The following ERGIC1 variants were observed in gnomAD, a reference collection of about 807,000 sequenced individuals.
ERGIC1 encodes the protein endoplasmic reticulum-Golgi intermediate compartment protein 1.
A neutral mutation model predicts 38.3 loss-of-function variants in ERGIC1; 19 were observed. That is an observed-to-expected ratio of 0.50 (90% CI 0.35 to 0.73). The LOEUF (loss-of-function observed/expected upper bound fraction) is 0.73, where lower values mean the gene tolerates loss of function less well. ERGIC1 is among the 30% of genes least tolerant of loss of function. ERGIC1 has a pLI of 0.01. For missense variants in ERGIC1, 294 were observed against 389.2 expected, an observed-to-expected ratio of 0.76 and a Z score of 2.06; for synonymous variants, 124 against 157.6, an observed-to-expected ratio of 0.79 and a Z score of 1.60.
intron 1 of ERGIC1, among the ~76,000 whole-genome samples, chr5:172,880,097 C>T (rs891719798): frequency 1.3e-5 from 2 of 151,748 alleles, no homozygotes; most frequent in African/African-American, 4.8e-5. Context: ...ACTGCAGAGC[C>T]GTGATCTTGG....
intron 9 of ERGIC1, among the ~76,000 whole-genome samples, chr5:172,946,877 AT>A (rs10555416): frequency 0.6 from 89,447 of 148,656 alleles, 27,104 homozygotes; most frequent in East Asian, 0.83. Flanking sequence ...TTCTCTCAGC[AT>A]TTTTTTTTTT....
chr5:172,882,736 C>T (rs191912456), intron 1 of ERGIC1, among the ~76,000 whole-genome samples: 59 of 152,272 alleles, frequency 3.9e-4, no homozygotes, highest in Non-Finnish European at 7.1e-4. Flanking sequence ...CCAAATCTCA[C>T]CTCCCTCTTA....
At chr5:172,949,554 C>A (rs1764188962) in intron 9 of ERGIC1, among the ~76,000 whole-genome samples, 1 of 151,776 alleles carries the variant, frequency 6.6e-6, no homozygotes, top group Non-Finnish European at 1.5e-5. Context: ...TAACAGGTGA[C>A]ATTCATTATC....
At chr5:172,896,114 G>A (rs918371668) in intron 2 of ERGIC1, among the ~76,000 whole-genome samples, 1 of 151,940 alleles carries the variant, frequency 6.6e-6, no homozygotes, top group Non-Finnish European at 1.5e-5. Flanking sequence ...AGGCTGAGGC[G>A]GGCGGTTCAC....
In ERGIC1 at chr5:172,837,230, T is replaced by C. The variant is rs143239949; in HGVS notation, c.20+2797T>C. Among the ~76,000 whole-genome samples, 164 of 152,306 alleles carry C rather than the reference T, an allele frequency of 1.1e-3. No homozygotes were observed. Among genetic ancestry groups the C allele is most frequent in the African/African-American group, 3.8e-3 (159 of 41,556 alleles). On this transcript the variant is annotated intron_variant, in intron 1 of 9. Transcript: ENST00000393784. This position sits in a 1 kb window ranked among gnomAD's most constrained non-coding sequence, Gnocchi z 4.3. ...TTTTCTTACTGCCTGTAGAGCCTGG[T>C]GCAACTGAGTTCTGTGTTTTCCTGT...
chr5:172,843,498 A>C (rs928578896), intron 1 of ERGIC1, among the ~76,000 whole-genome samples: 49 of 152,340 alleles, frequency 3.2e-4, no homozygotes, highest in Middle Eastern at 6.8e-3. Context: ...AACATATAGA[A>C]TTACCTAAAG....
chr5:172,834,396 AC>A lies in ERGIC1; in HGVS notation c.-13del, dbSNP rs1418176744. The A allele has an allele frequency of 3.0e-6, 4 of 1,319,934 alleles. No homozygotes were observed. The highest frequency in any genetic ancestry group is 2.9e-6 in the Non-Finnish European group (3 of 1,031,702). The allele number at this position is 1,319,934 out of a possible 1,614,324, so 81.8% of individuals were successfully genotyped here. The stretch of plus-strand genomic sequence containing the variant: ...GGCCCGCCTGGCCTGCAGCGCTCCC[AC>A]CCCCGGCGGCGGCACGATGCCCTTT... On this transcript the variant is annotated 5_prime_UTR_variant, in exon 1 of 10. Transcript: ENST00000393784. The surrounding 1 kb of genome is among the most constrained non-coding windows in gnomAD (Gnocchi z 4.1).
At chr5:172,913,475 G>T (rs889634098) in intron 4 of ERGIC1, among the ~76,000 whole-genome samples, 2 of 152,220 alleles carry the variant, frequency 1.3e-5, no homozygotes, top group Non-Finnish European at 2.9e-5. Flanking sequence ...GACCCGTGAG[G>T]GTCATTTCGA....
intron 9 of ERGIC1, among the ~76,000 whole-genome samples, chr5:172,944,110 G>T (rs560760525): frequency 1.3e-5 from 2 of 152,330 alleles, no homozygotes; most frequent in East Asian, 3.9e-4. Context: ...TGGGGCCCAG[G>T]TATTGAATTG....
intron 1 of ERGIC1, among the ~76,000 whole-genome samples, chr5:172,838,182 T>C (rs2113503976): frequency 6.6e-6 from 1 of 152,334 alleles, no homozygotes; most frequent in African/African-American, 2.4e-5. Flanking sequence ...GCAAGTGTGA[T>C]CAATGCACAC....
intron 1 of ERGIC1, among the ~76,000 whole-genome samples, chr5:172,848,572 A>G (rs778941384): frequency 1.5e-4 from 23 of 152,152 alleles, no homozygotes; most frequent in Non-Finnish European, 2.9e-4. Flanking sequence ...TTGTTTGTGC[A>G]GTTTGTCATC....
In ERGIC1 at chr5:172,877,458, A is replaced by ATTTTTT. The variant is rs56384349; in HGVS notation, c.21-11228_21-11223dup. Among the ~76,000 whole-genome samples, 91 of 86,618 alleles carry ATTTTTT rather than the reference A, an allele frequency of 1.1e-3. 1 individual carries two copies. Among genetic ancestry groups the ATTTTTT allele is most frequent in the African/African-American group, 3.7e-3 (86 of 23,466 alleles). 56.8% of individuals were successfully genotyped at this position (86,618 alleles called of 152,430 possible). The stretch of plus-strand genomic sequence containing the variant: ...TGTGTGTGTATATATATATATATAT[A>ATTTTTT]TTTTTTTTTTTTTTTTTTGAGATGG... On this transcript the variant is annotated intron_variant, in intron 1 of 9. Transcript: ENST00000393784.
chr5:172,907,723 G>A (rs1290704614), intron 3 of ERGIC1, among the ~76,000 whole-genome samples: 1 of 152,138 alleles, frequency 6.6e-6, no homozygotes, highest in Non-Finnish European at 1.5e-5. Flanking sequence ...ACCTCAGAGA[G>A]GTCTTCCCAG....
At chr5:172,921,867 A>G (rs753263644) in intron 5 of ERGIC1, among the ~76,000 whole-genome samples, 3 of 152,200 alleles carry the variant, frequency 2.0e-5, no homozygotes, top group Admixed American at 6.5e-5. Context: ...TGAGTAATGC[A>G]GACTCATCTT....
chr5:172,907,966 A>G (rs1034615152), intron 3 of ERGIC1, among the ~76,000 whole-genome samples: 4 of 151,862 alleles, frequency 2.6e-5, no homozygotes, highest in Non-Finnish European at 4.4e-5. Flanking sequence ...GCAAATTTGG[A>G]TTGCTAACAG....
At chr5:172,843,963 C>T (rs1026917671) in intron 1 of ERGIC1, among the ~76,000 whole-genome samples, 3 of 152,194 alleles carry the variant, frequency 2.0e-5, no homozygotes, top group African/African-American at 7.2e-5. Flanking sequence ...GGACATTTCC[C>T]TCTCCTCTGC....
chr5:172,859,640 A>G (rs1207187028), intron 1 of ERGIC1, among the ~76,000 whole-genome samples: 1 of 152,142 alleles, frequency 6.6e-6, no homozygotes, highest in Non-Finnish European at 1.5e-5. Context: ...CCTCTGAGGG[A>G]ATCACCTTAA....
In ERGIC1 at chr5:172,834,477, C is replaced by T. The variant is rs1353759901; in HGVS notation, c.20+44C>T. ...GCCAGTCGGGAGTTCCCTCAGCGGG[C>T]AGAGGGAGCGCCCCGGCACGCCGCG... On this transcript the variant is annotated intron_variant, in intron 1 of 9. Coordinates refer to ENST00000393784, the MANE Select transcript of ERGIC1 (RefSeq NM_001031711.3). The surrounding 1 kb of genome is among the most constrained non-coding windows in gnomAD (Gnocchi z 4.1). The T allele has an allele frequency of 2.3e-6, 3 of 1,294,160 alleles. No individual in the cohort carries two copies. Among genetic ancestry groups the T allele is most frequent in the Admixed American group, 4.1e-5 (1 of 24,420 alleles). The allele number at this position is 1,294,160 out of a possible 1,614,324, so 80.2% of individuals were successfully genotyped here.
intron 1 of ERGIC1, among the ~76,000 whole-genome samples, chr5:172,886,035 G>T (rs564020682): frequency 6.6e-6 from 1 of 151,960 alleles, no homozygotes; most frequent in African/African-American, 2.4e-5. Context: ...ATGGCCGCCT[G>T]CTGGTTTGTT....
Sources: gnomAD v4.1 joint callset for allele counts (sites outside exome capture counted in the v4.1 genomes callset) on GRCh38, gnomAD v4.1.1 for gene constraint, Gnocchi (gnomAD v3.1) non-coding constraint, MANE v1.5 for transcripts, NCBI Gene and HGNC (gene_info 2026-07-23, HGNC 2026-07-21) for gene names.